CYREN: variants seen among roughly 807,000 people sequenced by gnomAD.
CYREN encodes cell cycle regulator of NHEJ.
A neutral mutation model predicts 9.7 loss-of-function variants in CYREN; 7 were observed. The ratio of observed to expected loss-of-function variants is 0.72; its 90% CI spans 0.41 to 1.36. CYREN has a LOEUF of 1.36. Ranked by LOEUF, CYREN falls within the 40% of genes most tolerant of loss-of-function variation. The probability of loss-of-function intolerance (pLI) is 0.01; values close to 1 mark genes in which losing one functional copy is unlikely to be tolerated. For synonymous variants in CYREN, 76 were observed against 77.9 expected, an observed-to-expected ratio of 0.98 and a Z score of 0.13; for missense variants, 215 against 198.1, an observed-to-expected ratio of 1.09 and a Z score of -0.51.
At chr7:135,144,837 G>A (rs991087779) in intron 2 of CYREN, among the ~76,000 whole-genome samples, 24 of 150,384 alleles carry the variant, frequency 1.6e-4, no homozygotes, top group Admixed American at 2.7e-4. Flanking sequence ...GGAGGCTGAG[G>A]TGGGAGGATC....
At chr7:135,120,759 T>C (rs982601936) in intron 2 of CYREN, among the ~76,000 whole-genome samples, 1 of 152,204 alleles carries the variant, frequency 6.6e-6, no homozygotes, top group African/African-American at 2.4e-5. Flanking sequence ...AGATACATCA[T>C]GCAAACATTA....
chr7:135,127,290 C>T lies in CYREN; in HGVS notation n.357-32708G>A, dbSNP rs1828015050. ...AAAGCTCAATGGTTGGGTGTGGTGG[C>T]TCACGCCTATAATCCCAGCACTTTG... On this transcript the variant is annotated intron_variant and non_coding_transcript_variant, in intron 2 of 2. Transcript: ENST00000459937. Among the ~76,000 whole-genome samples, 3 of 151,790 alleles carry T rather than the reference C, an allele frequency of 2.0e-5. No homozygotes were observed. The South Asian group carries it at 6.4e-4, about 32-fold the overall frequency.
At chr7:135,094,444 C>A (rs1180449243) in exon 3 of CYREN, 1 of 456,538 alleles carries the variant, frequency 2.2e-6, no homozygotes. Flanking sequence ...TAACAAATTG[C>A]CAGAGGCTGA....
At chr7:135,104,212 C>A (rs1824299094) in intron 2 of CYREN, among the ~76,000 whole-genome samples, 1 of 152,134 alleles carries the variant, frequency 6.6e-6, no homozygotes, top group Admixed American at 6.5e-5. Context: ...TTAATGGCCT[C>A]CACCTCCATC....
At chr7:135,134,767 C>A (rs1419338588) in intron 2 of CYREN, 2 of 1,299,276 alleles carry the variant, frequency 1.5e-6, no homozygotes, top group Admixed American at 2.8e-5. Context: ...ATTATTTATA[C>A]TATGACAACA....
chr7:135,143,478 T>C (rs1215894315), intron 2 of CYREN, among the ~76,000 whole-genome samples: 1 of 151,980 alleles, frequency 6.6e-6, no homozygotes, highest in Non-Finnish European at 1.5e-5. Context: ...TAACTGAAAA[T>C]GGATCACAGA....
At chr7:135,153,524 A>G (rs952660595) in intron 2 of CYREN, among the ~76,000 whole-genome samples, 1 of 152,122 alleles carries the variant, frequency 6.6e-6, no homozygotes, top group Non-Finnish European at 1.5e-5. Flanking sequence ...TGTGGAGAAA[A>G]GGGAATGCTT....
intron 2 of CYREN, among the ~76,000 whole-genome samples, chr7:135,153,982 A>G (rs1362155370): frequency 6.6e-6 from 1 of 151,896 alleles, no homozygotes; most frequent in Non-Finnish European, 1.5e-5. Context: ...CTTTCTTGGG[A>G]GTTTTTTATT....
intron 2 of CYREN, among the ~76,000 whole-genome samples, chr7:135,104,547 CA>C (rs2117062532): frequency 6.6e-6 from 1 of 152,302 alleles, no homozygotes; most frequent in South Asian, 2.1e-4. Context: ...CTCCCACCAA[CA>C]GTGTATAAGA....
rs745581351 is a variant in CYREN at position 135,129,756 on chromosome 7, G to A, written n.357-35174C>T. The A allele has an allele frequency of 2.1e-3, 1,404 of 676,032 alleles. 2 individuals carry two copies. The highest frequency in any genetic ancestry group is 2.7e-3 in the Non-Finnish European group (962 of 359,400). The allele number at this position is 676,032 out of a possible 1,614,324, so 41.9% of individuals were successfully genotyped here. On this transcript the variant is annotated intron_variant and non_coding_transcript_variant, in intron 2 of 2. Transcript: ENST00000459937. ...CCTAATCTTTTGTCAAGTACACAAA[G>A]TAACCCTGCAGGATATTTAGGGTAC...
intron 2 of CYREN, chr7:135,128,532 A>G (rs1477441994): frequency 5.5e-5 from 42 of 764,964 alleles, no homozygotes; most frequent in Non-Finnish European, 1.7e-5. Context: ...CAGTCTGTCC[A>G]AGGTGGAGAA....
intron 2 of CYREN, among the ~76,000 whole-genome samples, chr7:135,143,373 C>G (rs1829487034): frequency 6.6e-6 from 1 of 152,146 alleles, no homozygotes; most frequent in Non-Finnish European, 1.5e-5. Flanking sequence ...CAAAGATAGT[C>G]CTTTCAACAA....
chr7:135,108,110 C>T (rs974031451), intron 2 of CYREN, among the ~76,000 whole-genome samples: 1 of 152,090 alleles, frequency 6.6e-6, no homozygotes, highest in Non-Finnish European at 1.5e-5. Context: ...GGTGTCACTG[C>T]ATGTGAGATG....
At chr7:135,112,729 A>G (rs1390372946) in intron 2 of CYREN, among the ~76,000 whole-genome samples, 8 of 152,186 alleles carry the variant, frequency 5.3e-5, no homozygotes, top group African/African-American at 1.4e-4. Context: ...ACATCTATTT[A>G]CCAAACAAAA....
intron 2 of CYREN, among the ~76,000 whole-genome samples, chr7:135,144,865 C>G (rs995209324): frequency 1.5e-5 from 2 of 136,586 alleles, no homozygotes; most frequent in Non-Finnish European, 3.1e-5. Context: ...CACAAGAGGT[C>G]AAGGCTGCAA....
chr7:135,154,047 T>C (rs10224167), intron 2 of CYREN, among the ~76,000 whole-genome samples: 73,708 of 152,000 alleles, frequency 0.48, 18,237 homozygotes, highest in South Asian at 0.65. Flanking sequence ...TATTTCTTCC[T>C]GGTTCAATCT....
chr7:135,135,251 G>T, intron 2 of CYREN: 1 of 1,518,948 alleles, frequency 6.6e-7, no homozygotes, highest in Non-Finnish European at 8.8e-7. Flanking sequence ...AAGTTCCAAA[G>T]GGAGAGTTAA....
intron 2 of CYREN, among the ~76,000 whole-genome samples, chr7:135,137,863 C>A (rs1255574628): frequency 6.6e-6 from 1 of 152,054 alleles, no homozygotes; most frequent in East Asian, 1.9e-4. Flanking sequence ...TTGCAGGTGG[C>A]CTTCTTGTTG....
intron 2 of CYREN, among the ~76,000 whole-genome samples, chr7:135,103,284 T>C (rs1176225685): frequency 6.6e-6 from 1 of 152,176 alleles, no homozygotes; most frequent in East Asian, 1.9e-4. Context: ...AATCAAATTA[T>C]TGAAGCTGAG....
Sources: allele counts gnomAD v4.1 joint callset (sites outside exome capture counted in the v4.1 genomes callset), GRCh38; gene constraint gnomAD v4.1.1; transcripts MANE v1.5; gene names NCBI Gene and HGNC (gene_info 2026-07-23, HGNC 2026-07-21).